The following DDC variants were observed in gnomAD, a reference collection of about 807,000 sequenced individuals.
The protein encoded by DDC is aromatic-L-amino-acid decarboxylase.
DDC carries 43 observed loss-of-function variants against 60.0 expected under a neutral mutation model. The observed-to-expected ratio is 0.72, with a 90% confidence interval of 0.56 to 0.92. DDC has a LOEUF of 0.92. Ranked by LOEUF, DDC falls within the 40% of genes least tolerant of loss-of-function variation. The pLI is 0.00. For missense variants in DDC, 573 were observed against 620.2 expected (o/e 0.92, Z 0.81); for synonymous variants, 232 against 234.6 (o/e 0.99, Z 0.10).
intron 9 of DDC, among the ~76,000 whole-genome samples, chr7:50,488,102 G>T (rs1362767810): frequency 6.6e-6 from 1 of 151,846 alleles, no homozygotes; most frequent in South Asian, 2.1e-4. Context: ...TGGTTAGCAG[G>T]GAAATAACTT....
At chr7:50,508,098 C>G (rs1326372518) in intron 6 of DDC, among the ~76,000 whole-genome samples, 1 of 152,212 alleles carries the variant, frequency 6.6e-6, no homozygotes, top group Admixed American at 6.5e-5. Flanking sequence ...GCCAGAGGCC[C>G]CTCCAACAAA....
At chr7:50,473,070 C>T (rs1313785767) in intron 11 of DDC, among the ~76,000 whole-genome samples, 1 of 152,250 alleles carries the variant, frequency 6.6e-6, no homozygotes, top group East Asian at 1.9e-4. Context: ...ATAGAGGAGC[C>T]TGAGAGGTGC....
chr7:50,533,763 C>G (rs1166995510), intron 4 of DDC, among the ~76,000 whole-genome samples: 4 of 152,176 alleles, frequency 2.6e-5, no homozygotes, highest in Admixed American at 6.5e-5. Context: ...AACTAACATA[C>G]AGTAGAAGAA....
At chr7:50,513,022 T>A (rs2043622884) in intron 6 of DDC, among the ~76,000 whole-genome samples, 1 of 152,190 alleles carries the variant, frequency 6.6e-6, no homozygotes, top group Admixed American at 6.5e-5. Context: ...GAGCAGCGTG[T>A]GGAGGCTCAC....
chr7:50,540,091 G>T (rs2044572973), intron 2 of DDC, 63 bp from the exon 3 acceptor site: 11 of 1,309,608 alleles, frequency 8.4e-6, no homozygotes, highest in Admixed American at 1.9e-5. Context: ...GAGAGCGGGG[G>T]ACCCAGGTAC....
At chr7:50,546,647 C>T (rs1483898137) in intron 1 of DDC, among the ~76,000 whole-genome samples, 3 of 152,206 alleles carry the variant, frequency 2.0e-5, no homozygotes, top group Admixed American at 2.0e-4. Context: ...TTGGCATTCT[C>T]TCTAATATTT....
At chr7:50,544,148 G>T in intron 1 of DDC, 35 bp from the exon 2 acceptor site, 1 of 1,534,418 alleles carries the variant, frequency 6.5e-7, no homozygotes, top group South Asian at 1.1e-5. Flanking sequence ...AGCAAATTTT[G>T]CAACCTCTGA....
intron 6 of DDC, among the ~76,000 whole-genome samples, chr7:50,522,699 T>C (rs568203903): frequency 6.6e-6 from 1 of 152,334 alleles, no homozygotes; most frequent in South Asian, 2.1e-4. Flanking sequence ...AACATCTGCA[T>C]TAGTCCATTC....
chr7:50,494,229 C>T (rs2043071383), intron 9 of DDC, among the ~76,000 whole-genome samples: 1 of 152,170 alleles, frequency 6.6e-6, no homozygotes, highest in Non-Finnish European at 1.5e-5. Context: ...AATTTCCGGC[C>T]AGGCACCGTG....
chr7:50,555,040 C>CA lies in DDC; in HGVS notation c.-29+10244dup, dbSNP rs567561460. Among the ~76,000 whole-genome samples, 23 of 152,276 alleles carry CA rather than the reference C, an allele frequency of 1.5e-4. No homozygotes were observed. The East Asian group carries it at 4.2e-3, about 28-fold the overall frequency. On this transcript the variant is annotated intron_variant, in intron 1 of 14. Transcript: ENST00000444124. ...CTCTATGGCCAATATGATGCACTCC[C>CA]ATCCCTCGGATGGAGAGATGGGAGA...
intron 4 of DDC, among the ~76,000 whole-genome samples, chr7:50,534,491 G>A (rs1025443348): frequency 6.6e-6 from 1 of 152,124 alleles, no homozygotes; most frequent in Non-Finnish European, 1.5e-5. Context: ...CCAGCTTCTT[G>A]GGAAGCTGAG....
At chr7:50,460,086 C>T (rs1408994650) in intron 14 of DDC, among the ~76,000 whole-genome samples, 4 of 145,512 alleles carry the variant, frequency 2.7e-5, no homozygotes, top group African/African-American at 5.3e-5. Flanking sequence ...CCCGGCCAGC[C>T]GCCCCATCCG....
intron 3 of DDC, among the ~76,000 whole-genome samples, chr7:50,538,648 C>G (rs1585257097): frequency 6.6e-6 from 1 of 152,214 alleles, no homozygotes; most frequent in East Asian, 1.9e-4. Context: ...AGCCTATGCT[C>G]TCTGCTAGGG....
intron 9 of DDC, among the ~76,000 whole-genome samples, chr7:50,494,782 C>G (rs920428542): frequency 1.8e-4 from 27 of 152,016 alleles, no homozygotes; most frequent in Admixed American, 8.5e-4. Flanking sequence ...CTGCCTCAGC[C>G]TCCTGAGTAG....
intron 6 of DDC, among the ~76,000 whole-genome samples, chr7:50,509,965 ATACT>A (rs1472170728): frequency 2.0e-5 from 3 of 149,680 alleles, no homozygotes; most frequent in African/African-American, 7.3e-5. Context: ...CTTATATAAG[ATACT>A]TACGTATCTT....
intron 7 of DDC, among the ~76,000 whole-genome samples, chr7:50,501,648 C>T (rs2043259625): frequency 2.0e-5 from 3 of 152,010 alleles, no homozygotes; most frequent in African/African-American, 7.3e-5. Flanking sequence ...CAGAACAGTC[C>T]CGCTTGGAGT....
chr7:50,553,867 C>A (rs553259719), intron 1 of DDC, among the ~76,000 whole-genome samples: 1 of 152,234 alleles, frequency 6.6e-6, no homozygotes, highest in South Asian at 2.1e-4. Context: ...CCAAGCAAGA[C>A]CATAAAGAAG....
intron 1 of DDC, among the ~76,000 whole-genome samples, chr7:50,551,708 A>G (rs1375671291): frequency 6.6e-6 from 1 of 152,052 alleles, no homozygotes; most frequent in Non-Finnish European, 1.5e-5. Flanking sequence ...ACGTCTGTTA[A>G]ATGTTTTGCA....
At chr7:50,535,427 G>A (rs908749988) in intron 4 of DDC, among the ~76,000 whole-genome samples, 9 of 152,198 alleles carry the variant, frequency 5.9e-5, no homozygotes, top group East Asian at 1.9e-4. Flanking sequence ...GATTACAGGC[G>A]TGAGCCACTA....
Sources: gnomAD v4.1 joint callset for allele counts (sites outside exome capture counted in the v4.1 genomes callset) on GRCh38, gnomAD v4.1.1 for gene constraint, MANE v1.5 for transcripts, NCBI Gene and HGNC (gene_info 2026-07-23, HGNC 2026-07-21) for gene names.